The following STAMBP variants were observed in gnomAD, a reference collection of about 807,000 sequenced individuals.
STAMBP encodes STAM binding protein.
In STAMBP, 31 loss-of-function variants were observed where a neutral mutation model predicts 50.7. The observed-to-expected ratio is 0.61, with a 90% CI of 0.46 to 0.83. The LOEUF is 0.83. Ranked by LOEUF, STAMBP falls within the 40% of genes least tolerant of loss-of-function variation. The pLI, the probability that STAMBP is intolerant of heterozygous loss-of-function variation, is 0.00. For missense variants in STAMBP, 472 were observed against 518.9 expected (o/e 0.91, Z 0.88); for synonymous variants, 211 against 192.4 (o/e 1.10, Z -0.80).
At chr2:73,854,772 G>C (rs1276721184) in intron 7 of STAMBP, among the ~76,000 whole-genome samples, 1 of 152,140 alleles carries the variant, frequency 6.6e-6, no homozygotes, top group Non-Finnish European at 1.5e-5. Context: ...AGGATCACTT[G>C]AGGCCAGGAG....
Position 73,829,098 on chromosome 2 carries a change from C to A in STAMBP, c.-425C>A, listed in dbSNP as rs977578289. 6.6e-6 allele frequency: 1 copy of A among 152,302 alleles called. No individual in the cohort carries two copies. Among genetic ancestry groups the A allele is most frequent in the African/African-American group, 2.4e-5 (1 of 41,452 alleles). 9.4% of individuals were successfully genotyped at this position (152,302 alleles called of 1,614,324 possible). A position where few individuals can be genotyped will look rare whatever the true frequency, so the allele number is the denominator to read the frequency against. On this transcript the variant is annotated 5_prime_UTR_variant, in exon 1 of 10. Transcript: ENST00000394070. ...GAGTGTGGGGCCTGCAGCCTACTCTCCCCGAGTCCCCTGCCCGGCCTGCCT... is the reference window on the plus strand; with the variant it reads ...GAGTGTGGGGCCTGCAGCCTACTCTACCCGAGTCCCCTGCCCGGCCTGCCT...
At chr2:73,837,788 A>T (rs918862691) in intron 2 of STAMBP, among the ~76,000 whole-genome samples, 1 of 152,128 alleles carries the variant, frequency 6.6e-6, no homozygotes, top group African/African-American at 2.4e-5. Flanking sequence ...GGAACATAAA[A>T]GATCAAGTAT....
intron 9 of STAMBP, chr2:73,860,540 C>T (rs1678216709): frequency 3.0e-6 from 3 of 987,976 alleles, no homozygotes; most frequent in Non-Finnish European, 3.6e-6. Flanking sequence ...TAAGCCTGTA[C>T]TTCAATAAGA....
rs975242220 is a variant in STAMBP, at chr2:73,859,162, G to C, written c.1006-92G>C. On this transcript the variant is annotated intron_variant, in intron 7 of 9. Coordinates refer to ENST00000394070, the MANE Select transcript of STAMBP (RefSeq NM_213622.4). ...ATATTTTCAGATTGCAGTTGATATG[G>C]ATAGCTTTAAACCTCAGAAAGGGAA... 7 of 934,594 alleles carry C rather than the reference G, an allele frequency of 7.5e-6. No homozygotes were observed. In the African/African-American group the frequency reaches 1.1e-4, roughly 15 times the overall value. 57.9% of individuals were successfully genotyped at this position (934,594 alleles called of 1,614,324 possible).
At chr2:73,844,717 C>A in intron 2 of STAMBP, 96 bp from the exon 3 acceptor site, 1 of 1,011,696 alleles carries the variant, frequency 9.9e-7, no homozygotes, top group South Asian at 1.6e-5. Flanking sequence ...TGGAACCTTT[C>A]ATATAAGGGC....
At chr2:73,872,007 A>G (rs976067643), downstream of STAMBP, among the ~76,000 whole-genome samples, 1 of 152,018 alleles carries the variant, frequency 6.6e-6, no homozygotes, top group African/African-American at 2.4e-5. Flanking sequence ...TCCTGACCTC[A>G]AGGGATCCAC....
In STAMBP at chr2:73,855,559, T is replaced by C. The variant is rs1677443128; in HGVS notation, c.1006-3695T>C. ...AGAATCCTGGACTCTAACCATGGGA[T>C]GGAAGGTGGTGTTGGCACAGGCCAC... On this transcript the variant is annotated intron_variant, in intron 7 of 9. Coordinates refer to ENST00000394070, the MANE Select transcript of STAMBP (RefSeq NM_213622.4). 4 of 455,722 alleles carry C rather than the reference T, an allele frequency of 8.8e-6. No homozygotes were observed. The Admixed American group carries it at 9.4e-5, about 11-fold the overall frequency. The allele number at this position is 455,722 out of a possible 1,614,324, so 28.2% of individuals were successfully genotyped here.
intron 2 of STAMBP, among the ~76,000 whole-genome samples, chr2:73,840,347 T>A (rs1377890925): frequency 6.6e-6 from 1 of 151,936 alleles, no homozygotes; most frequent in East Asian, 1.9e-4. Flanking sequence ...TTCTACTTTT[T>A]AAAACAATGC....
chr2:73,843,528 C>T (rs1675700429), intron 2 of STAMBP, among the ~76,000 whole-genome samples: 4 of 151,744 alleles, frequency 2.6e-5, no homozygotes. Flanking sequence ...CTCGGTCTCC[C>T]AAAGTGCTGG....
intron 2 of STAMBP, among the ~76,000 whole-genome samples, chr2:73,838,558 T>C (rs1261331896): frequency 6.6e-6 from 1 of 152,158 alleles, no homozygotes; most frequent in African/African-American, 2.4e-5. Flanking sequence ...GAAGAGAGCT[T>C]AGCTGTACTA....
chr2:73,839,956 C>T (rs1159414894), intron 2 of STAMBP, among the ~76,000 whole-genome samples: 1 of 152,228 alleles, frequency 6.6e-6, no homozygotes, highest in Admixed American at 6.5e-5. Context: ...ATTCATGGCT[C>T]ACTCTTGTCT....
chr2:73,851,678 C>T (rs548593758), intron 7 of STAMBP, among the ~76,000 whole-genome samples: 5 of 143,624 alleles, frequency 3.5e-5, no homozygotes, highest in African/African-American at 1.0e-4. Context: ...TCACTCTTTT[C>T]ACCCAGACTG....
At position 73,847,595 on chromosome 2, in the gene STAMBP, C is replaced by G; in HGVS notation, c.584C>G (p.Pro195Arg). The G allele has an allele frequency of 6.2e-7, 1 of 1,614,136 alleles. No homozygotes were observed. The highest frequency in any genetic ancestry group is 2.2e-5 in the East Asian group (1 of 44,880). ...AAGGTAGACCCTGGCCTAGGTGGCC[C>G]GCTAGTGCCTGACTTGGAGAAGCCC... ...FGKVDPGLGG[P>R]LVPDLEKPSL... The change falls in exon 5 of 10, where the codon CCG becomes CGG. Residue 195 changes from proline to arginine, a missense_variant. Pro to Arg is a moderately radical substitution (Grantham distance 103). Coordinates refer to ENST00000394070, the MANE Select transcript of STAMBP (RefSeq NM_213622.4).
At chr2:73,843,433 T>TATATATATATATATATATAA (rs1199940433) in intron 2 of STAMBP, among the ~76,000 whole-genome samples, 1 of 146,818 alleles carries the variant, frequency 6.8e-6, no homozygotes, top group African/African-American at 2.5e-5. Context: ...TATATATATA[T>TATATATATATATATATATAA]AAATTAAAAA....
At chr2:73,859,815 T>C (rs1418613851) in intron 8 of STAMBP, among the ~76,000 whole-genome samples, 1 of 152,138 alleles carries the variant, frequency 6.6e-6, no homozygotes, top group East Asian at 1.9e-4. Flanking sequence ...TACTCCCACT[T>C]TGATTATTTA....
intron 1 of STAMBP, among the ~76,000 whole-genome samples, chr2:73,830,039 G>T (rs1267021617): frequency 6.6e-6 from 1 of 152,198 alleles, no homozygotes; most frequent in East Asian, 1.9e-4. Flanking sequence ...GTGATATCTG[G>T]TTGGAATTTG....
intron 1 of STAMBP, 91 bp from the exon 2 acceptor site, chr2:73,830,751 TTTC>T (rs1558551818): frequency 2.2e-6 from 2 of 926,712 alleles, no homozygotes; most frequent in East Asian, 2.6e-5. Flanking sequence ...TCTCTTATAT[TTTC>T]TTCTTAAGGT....
downstream of STAMBP, among the ~76,000 whole-genome samples, chr2:73,868,475 A>G (rs969286094): frequency 6.6e-6 from 1 of 152,136 alleles, no homozygotes; most frequent in Non-Finnish European, 1.5e-5. Context: ...CCACTGATAT[A>G]ATATATCACA....
chr2:73,840,375 T>C (rs1455103330), intron 2 of STAMBP, among the ~76,000 whole-genome samples: 1 of 151,826 alleles, frequency 6.6e-6, no homozygotes, highest in Non-Finnish European at 1.5e-5. Flanking sequence ...AATATTTTTA[T>C]ACATATATCT....
Sources: allele counts gnomAD v4.1 joint callset (sites outside exome capture counted in the v4.1 genomes callset), GRCh38; gene constraint gnomAD v4.1.1; transcripts MANE v1.5; gene names NCBI Gene and HGNC (gene_info 2026-07-23, HGNC 2026-07-21).